SHOX2: variants seen among roughly 807,000 people sequenced by gnomAD.
SHOX2 encodes SHOX homeobox 2.
In SHOX2, 13 loss-of-function variants were observed where a neutral mutation model predicts 31.3. The observed-to-expected ratio is 0.42, with a 90% CI of 0.27 to 0.66. SHOX2 has a LOEUF of 0.66. Among genes scored for constraint, SHOX2 ranks in the 30% least tolerant of loss-of-function variants. SHOX2 has a pLI of 0.27. For missense variants in SHOX2, 473 were observed against 443.0 expected (o/e 1.07, Z -0.61); for synonymous variants, 244 against 196.2 (o/e 1.24, Z -2.04).
At chr3:158,103,007 T>TA (rs1713611573) in intron 1 of SHOX2, 121 bp from the exon 2 acceptor site, 4 of 926,286 alleles carry the variant, frequency 4.3e-6, no homozygotes, top group Non-Finnish European at 6.8e-6. Flanking sequence ...CAAAAAAGAA[T>TA]AGAGAATCCT....
intron 1 of SHOX2, chr3:158,105,301 G>A: frequency 6.6e-6 from 4 of 604,948 alleles, no homozygotes; most frequent in East Asian, 2.8e-5. Context: ...CTTTAGTCCC[G>A]CCGTCTGGTT....
Position 158,096,909 on chromosome 3 carries a change from T to TATATATATATATATATGGCAAATATATG in SHOX2, c.*1117_*1118insCATATATTTGCCATATATATATATATAT, listed in dbSNP as rs1713132977. On this transcript the variant is annotated 3_prime_UTR_variant, in exon 5 of 5. Transcript: ENST00000483851. The stretch of plus-strand genomic sequence containing the variant: ...GGGCAAATATATATATATATATATA[T>TATATATATATATATATGGCAAATATATG]ATATATATATATATATATATATGGC... The TATATATATATATATATGGCAAATATATG allele has an allele frequency of 2.7e-5, 3 of 109,298 alleles. No homozygotes were observed. The highest frequency in any genetic ancestry group is 9.9e-5 in the African/African-American group (3 of 30,238). 6.8% of individuals were successfully genotyped at this position (109,298 alleles called of 1,614,324 possible).
chr3:158,105,484 C>T (rs1713837712), intron 1 of SHOX2, among the ~76,000 whole-genome samples, 195 bp downstream of exon 1: 1 of 151,236 alleles, frequency 6.6e-6, no homozygotes, highest in Non-Finnish European at 1.5e-5. Context: ...CCACAACACA[C>T]TAGGACCCCA....
chr3:158,102,796 T>C lies in SHOX2; in HGVS notation c.437A>G (p.Asn146Ser), dbSNP rs373836707. Residue 146 changes from asparagine (N) to serine (S), a missense_variant, in exon 2 of 5, where the codon AAT becomes AGT. Physicochemically the swap from Asn to Ser is conservative, Grantham distance 46 (BLOSUM62 1). This residue lies in a region of SHOX2 where 276 missense variants were observed against 230.0 expected (regional missense o/e 1.20). Coordinates refer to ENST00000483851, the MANE Select transcript of SHOX2 (RefSeq NM_001163678.2). ...TKIKQRRSRT[N>S]FTLEQLNELE... is the part of the protein sequence containing the mutation. ...CTCATTGAGTTGTTCCAGGGTGAAA[T>C]TGGTCCGACTTCGCCTCTGCTTGAT... 1.1e-5 allele frequency: 18 copies of C among 1,613,884 alleles called. No homozygotes were observed. The highest frequency in any genetic ancestry group is 1.7e-5 in the Admixed American group (1 of 59,990).
intron 4 of SHOX2, among the ~76,000 whole-genome samples, chr3:158,099,289 T>G (rs1713332336): frequency 6.6e-6 from 1 of 152,238 alleles, no homozygotes; most frequent in Non-Finnish European, 1.5e-5. Flanking sequence ...TCTTAAAGGT[T>G]TCTTTATGGC....
At position 158,105,771 on chromosome 3, in the gene SHOX2, C is replaced by T. The variant is rs952859861; in HGVS notation, c.254G>A (p.Gly85Glu). The part of the protein sequence containing the change: ...GGGVGGGGAG[G>E]GAGGGRSPVR... ...GGGAGAGCGCCCTCCTCCAGCTCCTCCGCCTGCTCCTCCTCCTCCTACACC... is the reference window on the plus strand; with the variant it reads ...GGGAGAGCGCCCTCCTCCAGCTCCTTCGCCTGCTCCTCCTCCTCCTACACC... The change falls in exon 1 of 5, where the codon GGA (glycine) becomes GAA (glutamate). Residue 85 changes from glycine to glutamate, a missense_variant. Physicochemically the swap from Gly to Glu is moderately conservative, Grantham distance 98. Transcript: ENST00000483851. 17 of 1,519,998 alleles carry T rather than the reference C, an allele frequency of 1.1e-5. No individual in the cohort carries two copies. The highest frequency in any genetic ancestry group is 1.4e-5 in the African/African-American group (1 of 69,724). 94.2% of individuals were successfully genotyped at this position (1,519,998 alleles called of 1,614,324 possible).
chr3:158,098,176 C>G lies in SHOX2; in HGVS notation c.811G>C (p.Gly271Arg), dbSNP rs751604362. ...PYMMFPAPPF[G>R]LPLATLAADS... ...GCGGCCAGCGTGGCGAGCGGCAGTC[C>G]GAAGGGCGGTGCTGGGAACATCATG... The change falls in exon 5 of 5, where the codon GGA becomes CGA. Residue 271 changes from glycine (G) to arginine (R), a missense_variant. Around this residue, in one of 3 missense-constraint regions of SHOX2, gnomAD observed 182 missense variants for 167.2 expected, o/e 1.09. Coordinates refer to ENST00000483851, the MANE Select transcript of SHOX2 (RefSeq NM_001163678.2). 9.9e-6 allele frequency: 16 copies of G among 1,613,494 alleles called. No individual in the cohort carries two copies. The highest frequency in any genetic ancestry group is 2.2e-5 in the East Asian group (1 of 44,882).
chr3:158,098,015 C>A lies in SHOX2; in HGVS notation c.*12G>T. The stretch of plus-strand genomic sequence containing the variant: ...CCGCGGGACAGGCGCGACATTGGTG[C>A]TGGCGTTGGCGTCACAGACCCAGGG... On this transcript the variant is annotated 3_prime_UTR_variant, in exon 5 of 5. Transcript: ENST00000483851. The A allele has an allele frequency of 6.3e-7, 1 of 1,577,966 alleles. No individual in the cohort carries two copies. Among genetic ancestry groups the A allele is most frequent in the South Asian group, 1.2e-5 (1 of 85,326 alleles).
At position 158,105,194 on chromosome 3, in the gene SHOX2, A is replaced by G; in HGVS notation, c.346+485T>C. 5.8e-6 allele frequency: 6 copies of G among 1,036,582 alleles called. No individual in the cohort carries two copies. The South Asian group carries it at 8.1e-5, about 14-fold the overall frequency. 64.2% of individuals were successfully genotyped at this position (1,036,582 alleles called of 1,614,324 possible). On this transcript the variant is annotated intron_variant, in intron 1 of 4. Coordinates refer to ENST00000483851, the MANE Select transcript of SHOX2 (RefSeq NM_001163678.2). ...AGATTCAGGGGCTCTGCGGAGTTCG[A>G]GGGGTCTTGGCGGCCCCAAACACCT...
intron 3 of SHOX2, 39 bp from the exon 4 acceptor site, chr3:158,099,987 G>T (rs199925547): frequency 1.9e-6 from 3 of 1,551,212 alleles, no homozygotes; most frequent in Admixed American, 1.7e-5. Flanking sequence ...TGAGGTTAAC[G>T]TTTGTAGCAT....
intron 1 of SHOX2, chr3:158,103,245 C>T (rs1471019471): frequency 8.7e-6 from 3 of 345,326 alleles, no homozygotes; most frequent in African/African-American, 4.2e-5. Context: ...TCACTTGCTC[C>T]GCAGCACTCA....
rs1451273393 is a variant in SHOX2 at position 158,104,976 on chromosome 3, G to A, written c.346+703C>T. ...TTTTGCTCTAAGAGAACCGAGTACT[G>A]GGTGATTGAAAACACTAAAGGAATT... On this transcript the variant is annotated intron_variant, in intron 1 of 4. Coordinates refer to ENST00000483851, the MANE Select transcript of SHOX2 (RefSeq NM_001163678.2). The A allele has an allele frequency of 3.7e-6, 3 of 811,086 alleles. No individual in the cohort carries two copies. The East Asian group carries it at 8.1e-5, about 22-fold the overall frequency. The allele number at this position is 811,086 out of a possible 1,614,324, so 50.2% of individuals were successfully genotyped here.
chr3:158,104,862 A>G (rs946069219), intron 1 of SHOX2, among the ~76,000 whole-genome samples: 1 of 152,322 alleles, frequency 6.6e-6, no homozygotes, highest in African/African-American at 2.4e-5. Flanking sequence ...TGCCAAATCA[A>G]TTTTATTGTT....
In SHOX2 at chr3:158,098,136, G is replaced by C. The variant is rs1270205324; in HGVS notation, c.851C>G (p.Ala284Gly). The C allele has an allele frequency of 6.2e-7, 1 of 1,613,280 alleles. No homozygotes were observed. The highest frequency in any genetic ancestry group is 1.3e-5 in the African/African-American group (1 of 74,926). ...TGCTGCGGCCGCCACTACCGAGGCG[G>C]CGGAAGCCGAATCCGCGGCCAGCGT... is the stretch of plus-strand genomic sequence containing the variant. The part of the protein sequence containing the change: ...LATLAADSAS[A>G]ASVVAAAAAA... The change falls in exon 5 of 5, where the codon GCC (alanine) becomes GGC (glycine). Residue 284 changes from alanine to glycine, a missense_variant. Physicochemically the swap from Ala to Gly is moderately conservative, Grantham distance 60. Transcript: ENST00000483851.
In SHOX2 at chr3:158,099,931, C is replaced by T. The variant is rs200467564; in HGVS notation, c.631G>A (p.Ala211Thr). 2.0e-5 allele frequency: 33 copies of T among 1,613,894 alleles called. No individual in the cohort carries two copies. The highest frequency in any genetic ancestry group is 2.7e-5 in the African/African-American group (2 of 74,912). Reference sequence around the variant, plus strand: ...ACTCTACAAGCTTCAAACTGGCTGGCGGCCCCTATGAGAACACCTGTAAAA... The same window carrying T: ...ACTCTACAAGCTTCAAACTGGCTGGTGGCCCCTATGAGAACACCTGTAAAA... Reference protein sequence around the residue: ...QLHKGVLIGAASQFEACRVAP... With the variant: ...QLHKGVLIGATSQFEACRVAP... Residue 211 changes from alanine to threonine, a missense_variant, in exon 4 of 5, where the codon GCC (alanine) becomes ACC (threonine). Transcript: ENST00000483851.
chr3:158,105,950 G>A lies in SHOX2; in HGVS notation c.75C>T (p.Tyr25=). 1 of 1,612,418 alleles carries A rather than the reference G, an allele frequency of 6.2e-7. No individual in the cohort carries two copies. The highest frequency in any genetic ancestry group is 1.1e-5 in the South Asian group (1 of 91,076). ...KVKEKKEAIT[Y]REVLESGPLR... ...GCGGCCCGCTCTCCAGCACCTCCCGGTACGTGATCGCCTCCTTCTTCTCCT... is the reference window on the plus strand; with the variant it reads ...GCGGCCCGCTCTCCAGCACCTCCCGATACGTGATCGCCTCCTTCTTCTCCT... Residue 25 remains tyrosine, a synonymous_variant, in exon 1 of 5, where the codon TAC becomes TAT. Coordinates refer to ENST00000483851, the MANE Select transcript of SHOX2 (RefSeq NM_001163678.2).
chr3:158,103,033 C>G, intron 1 of SHOX2, 147 bp from the exon 2 acceptor site: 1 of 795,164 alleles, frequency 1.3e-6, no homozygotes, highest in Non-Finnish European at 2.1e-6. Flanking sequence ...CTCGTGGAAT[C>G]CTGGTCCGGC....
chr3:158,097,909 A>T lies in SHOX2; in HGVS notation c.*118T>A. On this transcript the variant is annotated 3_prime_UTR_variant, in exon 5 of 5. Transcript: ENST00000483851. Reference sequence around the variant, plus strand: ...GATAGGGGACGAGGGATGGTCAGTGAGGCGGGAAGAGGGCCGGCTCCCGAG... The same window carrying T: ...GATAGGGGACGAGGGATGGTCAGTGTGGCGGGAAGAGGGCCGGCTCCCGAG... 1 of 1,283,896 alleles carries T rather than the reference A, an allele frequency of 7.8e-7. No homozygotes were observed. Among genetic ancestry groups the T allele is most frequent in the South Asian group, 1.4e-5 (1 of 69,972 alleles). The allele number at this position is 1,283,896 out of a possible 1,614,324, so 79.5% of individuals were successfully genotyped here. A position where few individuals can be genotyped will look rare whatever the true frequency, so the allele number is the denominator to read the frequency against.
intron 4 of SHOX2, among the ~76,000 whole-genome samples, 177 bp downstream of exon 4, chr3:158,099,683 G>T (rs983383022): frequency 2.6e-5 from 4 of 152,176 alleles, no homozygotes; most frequent in East Asian, 1.9e-4. Context: ...AGGCATTCAG[G>T]CCTTTAATAC....
Sources: gnomAD v4.1 joint callset for allele counts (sites outside exome capture counted in the v4.1 genomes callset) on GRCh38, gnomAD v4.1.1 for gene constraint, gnomAD v4.1.1 regional missense constraint, MANE v1.5 for transcripts, NCBI Gene and HGNC (gene_info 2026-07-23, HGNC 2026-07-21) for gene names.